The following SEPTIN9 variants were observed in gnomAD, a reference collection of about 807,000 sequenced individuals.
SEPTIN9 encodes the protein septin-9.
A neutral mutation model predicts 56.6 loss-of-function variants in SEPTIN9; 13 were observed. The observed-to-expected ratio is 0.23, with a 90% CI of 0.15 to 0.37. SEPTIN9 has a LOEUF of 0.37. Ranked by LOEUF, SEPTIN9 falls within the 10% of genes least tolerant of loss-of-function variation. The pLI is 1.00. For missense variants in SEPTIN9, 650 were observed against 823.1 expected (o/e 0.79, Z 2.57); for synonymous variants, 332 against 334.1 (o/e 0.99, Z 0.07).
intron 2 of SEPTIN9, among the ~76,000 whole-genome samples, chr17:77,368,204 T>G (rs956986762): frequency 1.3e-5 from 2 of 152,244 alleles, no homozygotes; most frequent in African/African-American, 4.8e-5. Context: ...GTTTGGGAAG[T>G]TGGAAGAAGT....
At chr17:77,291,562 G>T (rs1040629403) in intron 1 of SEPTIN9, among the ~76,000 whole-genome samples, 2 of 152,066 alleles carry the variant, frequency 1.3e-5, no homozygotes, top group Non-Finnish European at 2.9e-5. Context: ...AATCTAGGAG[G>T]CGGGGGTTGC....
At chr17:77,320,873 G>C (rs1304895828) in intron 2 of SEPTIN9, among the ~76,000 whole-genome samples, 1 of 152,250 alleles carries the variant, frequency 6.6e-6, no homozygotes, top group Non-Finnish European at 1.5e-5. Flanking sequence ...AGCCTGGCGT[G>C]TGTGTGCACG....
At position 77,490,871 on chromosome 17, in the gene SEPTIN9, T is replaced by C; in HGVS notation, c.1380+12T>C. The C allele has an allele frequency of 6.4e-7, 1 of 1,552,174 alleles. No homozygotes were observed. Among genetic ancestry groups the C allele is most frequent in the East Asian group, 2.4e-5 (1 of 41,732 alleles). ...ACTTCAAACAGCGGGTAGGGTTCCA[T>C]CTCTACTTGCCCCAGCCCTTCTGTG... On this transcript the variant is annotated intron_variant, in intron 8 of 11. Transcript: ENST00000427177.
intron 10 of SEPTIN9, 118 bp from the exon 11 acceptor site, chr17:77,497,197 T>G: frequency 3.9e-6 from 4 of 1,017,424 alleles, no homozygotes; most frequent in Non-Finnish European, 6.1e-6. Context: ...CTCCTGCCCA[T>G]GGGGCTGCCC....
At chr17:77,411,780 A>G (rs1444117421) in intron 3 of SEPTIN9, among the ~76,000 whole-genome samples, 1 of 152,222 alleles carries the variant, frequency 6.6e-6, no homozygotes, top group Non-Finnish European at 1.5e-5. Context: ...GTACATGTGC[A>G]CACATGACTG....
In SEPTIN9 at chr17:77,498,173, G is replaced by T. The variant is rs866075115; in HGVS notation, c.1626-350G>T. ...CACCCTGCCAGCACCCTGGACACCG[G>T]CCTGGAGCAACAATGCTCCAGCCCT... On this transcript the variant is annotated intron_variant, in intron 11 of 11. Coordinates refer to ENST00000427177, the MANE Select transcript of SEPTIN9 (RefSeq NM_001113491.2). 9.9e-4 allele frequency among the ~76,000 whole-genome samples: 150 copies of T among 152,032 alleles called. No homozygotes were observed. The Middle Eastern group carries it at 0.027, about 28-fold the overall frequency.
intron 3 of SEPTIN9, among the ~76,000 whole-genome samples, chr17:77,464,854 A>G (rs1287156638): frequency 6.6e-6 from 1 of 152,084 alleles, no homozygotes; most frequent in Non-Finnish European, 1.5e-5. Context: ...CAGCCTCCCA[A>G]AGTGCTGGGA....
At chr17:77,463,166 G>A (rs962378718) in intron 3 of SEPTIN9, among the ~76,000 whole-genome samples, 3 of 152,154 alleles carry the variant, frequency 2.0e-5, no homozygotes, top group African/African-American at 7.2e-5. Context: ...CTACTTCAGA[G>A]AAGGGGCAGG....
chr17:77,290,582 C>CT (rs1315649698), intron 1 of SEPTIN9, among the ~76,000 whole-genome samples: 1 of 151,702 alleles, frequency 6.6e-6, no homozygotes, highest in African/African-American at 2.4e-5. Flanking sequence ...AATCCCAGCA[C>CT]TTTGAGAGGC....
At chr17:77,406,118 C>T (rs1387182280) in intron 3 of SEPTIN9, among the ~76,000 whole-genome samples, 2 of 152,238 alleles carry the variant, frequency 1.3e-5, no homozygotes, top group Non-Finnish European at 2.9e-5. Context: ...TGCTCCCAGA[C>T]TGACTTCCCC....
At chr17:77,491,868 C>T (rs1277605731) in intron 8 of SEPTIN9, among the ~76,000 whole-genome samples, 1 of 151,432 alleles carries the variant, frequency 6.6e-6, no homozygotes, top group Non-Finnish European at 1.5e-5. Context: ...TTCTCCGCCA[C>T]CGTCTGAGGC....
intron 2 of SEPTIN9, among the ~76,000 whole-genome samples, chr17:77,332,286 A>C (rs1278745922): frequency 8.5e-6 from 1 of 117,292 alleles, no homozygotes; most frequent in Non-Finnish European, 1.8e-5. Context: ...CAAAAACAAA[A>C]CAAAACAAAA....
rs559044998 is a variant in SEPTIN9, at chr17:77,373,669, G to A, written c.77-28390G>A. ...ACGGGAGTGCGCTGAGGGGAGACGG[G>A]ACCCCTAATCCAGGCGCCCTCCCGC... On this transcript the variant is annotated intron_variant, in intron 2 of 11. Transcript: ENST00000427177. 2.1e-6 allele frequency: 3 copies of A among 1,446,838 alleles called. No individual in the cohort carries two copies. The South Asian group carries it at 4.0e-5, about 19-fold the overall frequency. 89.6% of individuals were successfully genotyped at this position (1,446,838 alleles called of 1,614,324 possible).
intron 3 of SEPTIN9, among the ~76,000 whole-genome samples, chr17:77,470,132 C>T (rs891518555): frequency 7.9e-5 from 12 of 151,494 alleles, no homozygotes; most frequent in Admixed American, 4.6e-4. Context: ...TCCATCCACT[C>T]ATCTACCCAT....
intron 2 of SEPTIN9, chr17:77,396,929 G>C (rs892439037): frequency 2.6e-5 from 4 of 154,754 alleles, no homozygotes; most frequent in Non-Finnish European, 5.9e-5. Flanking sequence ...CTCCTGATGT[G>C]GCAGCTCTGG....
chr17:77,319,625 TC>T lies in SEPTIN9; in HGVS notation c.76+12430del, dbSNP rs1488588029. The T allele has an allele frequency of 9.4e-7, 1 of 1,061,976 alleles. No homozygotes were observed. The highest frequency in any genetic ancestry group is 1.6e-5 in the African/African-American group (1 of 60,772). 65.8% of individuals were successfully genotyped at this position (1,061,976 alleles called of 1,614,324 possible). ...GCACGCTGGCCTGGGGCACGGCCGTTCCTCCTGCCCAGCCACGTTGGGGTAC... is the reference window on the plus strand; with the variant it reads ...GCACGCTGGCCTGGGGCACGGCCGTTCTCCTGCCCAGCCACGTTGGGGTAC... On this transcript the variant is annotated intron_variant, in intron 2 of 11. Transcript: ENST00000427177. The surrounding 1 kb of genome is among the most constrained non-coding windows in gnomAD (Gnocchi z 5.3).
intron 3 of SEPTIN9, among the ~76,000 whole-genome samples, chr17:77,432,325 G>T (rs762572029): frequency 6.6e-6 from 1 of 151,986 alleles, no homozygotes; most frequent in African/African-American, 2.4e-5. Context: ...CAGTGCTGCC[G>T]TTGGCATCGT....
At position 77,448,197 on chromosome 17, in the gene SEPTIN9, G is replaced by A. The variant is rs188370483; in HGVS notation, c.722-33947G>A. Among the ~76,000 whole-genome samples, 343 of 152,340 alleles carry A rather than the reference G, an allele frequency of 2.3e-3. 1 individual carries two copies. Among genetic ancestry groups the A allele is most frequent in the African/African-American group, 8.1e-3 (335 of 41,574 alleles). ...TCAAATTGAGACTATCCGAGGATGG[G>A]CGTGGTGGCTCACGCGTGTAATCTC... On this transcript the variant is annotated intron_variant, in intron 3 of 11. Transcript: ENST00000427177.
At chr17:77,315,724 G>T (rs777504674) in intron 2 of SEPTIN9, among the ~76,000 whole-genome samples, 1 of 152,212 alleles carries the variant, frequency 6.6e-6, no homozygotes, top group Non-Finnish European at 1.5e-5. Flanking sequence ...AGTGGCCTTC[G>T]CTCTTCCTTC....
Sources: gnomAD v4.1 joint callset for allele counts (sites outside exome capture counted in the v4.1 genomes callset) on GRCh38, gnomAD v4.1.1 for gene constraint, Gnocchi (gnomAD v3.1) non-coding constraint, MANE v1.5 for transcripts, NCBI Gene and HGNC (gene_info 2026-07-23, HGNC 2026-07-21) for gene names.